GUCY1A2: variants seen among roughly 807,000 people sequenced by gnomAD.
The protein encoded by GUCY1A2 is guanylate cyclase soluble subunit alpha-2.
Under a neutral mutation model 63.5 loss-of-function variants are expected in GUCY1A2, and 27 were observed. The ratio of observed to expected loss-of-function variants is 0.43; its 90% CI spans 0.31 to 0.59. The LOEUF (loss-of-function observed/expected upper bound fraction) is 0.59. Ranked by LOEUF, GUCY1A2 falls within the 20% of genes least tolerant of loss-of-function variation. GUCY1A2 has a pLI of 0.11. For missense variants in GUCY1A2, 768 were observed against 913.3 expected, an observed-to-expected ratio of 0.84 and a Z score of 2.05; for synonymous variants, 364 against 343.5, an observed-to-expected ratio of 1.06 and a Z score of -0.66.
chr11:106,971,219 A>ATGTGTGTGTGTGTGTGTGTGTG (rs67190015), intron 3 of GUCY1A2, among the ~76,000 whole-genome samples: 15 of 149,162 alleles, frequency 1.0e-4, no homozygotes, highest in African/African-American at 3.7e-4. Flanking sequence ...ACAAATTTAA[A>ATGTGTGTGTGTGTGTGTGTGTG]TGTGTGTGTG....
chr11:106,811,597 T>C (rs912968521), intron 4 of GUCY1A2, among the ~76,000 whole-genome samples: 1 of 152,070 alleles, frequency 6.6e-6, no homozygotes, highest in Non-Finnish European at 1.5e-5. Context: ...AATAAACTAT[T>C]GGGATCTGGA....
intron 4 of GUCY1A2, among the ~76,000 whole-genome samples, chr11:106,913,669 A>G (rs917501385): frequency 2.0e-5 from 3 of 152,142 alleles, no homozygotes; most frequent in Non-Finnish European, 4.4e-5. Flanking sequence ...CAGCTCTTCA[A>G]AATACAAATC....
chr11:106,822,620 G>A (rs1024852266), intron 4 of GUCY1A2, among the ~76,000 whole-genome samples: 7 of 152,094 alleles, frequency 4.6e-5, no homozygotes, highest in Admixed American at 1.3e-4. Context: ...TACGGTATTT[G>A]GTTTTCTGTT....
Position 106,675,438 on chromosome 11 carries a change from T to A in GUCY1A2, c.*12111A>T. ...TTCATTTCCGCATAGTCGGAATAAT[T>A]TTTGCTCCAAATTCTTAAAGGAGAC... On this transcript the variant is annotated 3_prime_UTR_variant, in exon 8 of 8. Transcript: ENST00000526355. 1 of 201,658 alleles carries A rather than the reference T, an allele frequency of 5.0e-6. No homozygotes were observed. The highest frequency in any genetic ancestry group is 7.6e-5 in the East Asian group (1 of 13,152). The allele number at this position is 201,658 out of a possible 1,614,324, so 12.5% of individuals were successfully genotyped here.
At position 106,794,049 on chromosome 11, in the gene GUCY1A2, T is replaced by C. The variant is rs530729804; in HGVS notation, c.1692+15944A>G. ...TTTTGAAGAGATATCTGCACTTCCATGTTCATTGCAGCATTATTCAAAATA... is the reference window on the plus strand; with the variant it reads ...TTTTGAAGAGATATCTGCACTTCCACGTTCATTGCAGCATTATTCAAAATA... On this transcript the variant is annotated intron_variant, in intron 5 of 7. Transcript: ENST00000526355. Among the ~76,000 whole-genome samples, 41 of 152,148 alleles carry C rather than the reference T, an allele frequency of 2.7e-4. 3 individuals are homozygous for C.
Position 106,685,308 on chromosome 11 carries a change from C to T in GUCY1A2, c.*2241G>A, listed in dbSNP as rs190969560. On this transcript the variant is annotated 3_prime_UTR_variant, in exon 8 of 8. Coordinates refer to ENST00000526355, the MANE Select transcript of GUCY1A2 (RefSeq NM_000855.3). ...ATTGAGATATATAAATACAATACTT[C>T]TCTCCAGGCCTATCACTAGTATTGA... is the stretch of plus-strand genomic sequence containing the variant. 50 of 207,374 alleles carry T rather than the reference C, an allele frequency of 2.4e-4. 2 individuals carry two copies. Among genetic ancestry groups the T allele is most frequent in the Non-Finnish European group, 7.9e-5 (8 of 101,798 alleles). The allele number at this position is 207,374 out of a possible 1,614,324, so 12.8% of individuals were successfully genotyped here.
At chr11:106,998,181 C>A (rs1861565891) in intron 1 of GUCY1A2, among the ~76,000 whole-genome samples, 1 of 152,096 alleles carries the variant, frequency 6.6e-6, no homozygotes, top group African/African-American at 2.4e-5. Context: ...CAAAAGACAT[C>A]AAAACTTGCT....
chr11:106,745,345 A>T (rs1412935622), intron 6 of GUCY1A2, among the ~76,000 whole-genome samples: 1 of 152,240 alleles, frequency 6.6e-6, no homozygotes, highest in Admixed American at 6.5e-5. Context: ...AAAATAAATG[A>T]GAAGTACTTT....
chr11:106,818,867 A>G (rs907902790), intron 4 of GUCY1A2, among the ~76,000 whole-genome samples: 26 of 152,296 alleles, frequency 1.7e-4, no homozygotes, highest in Admixed American at 4.6e-4. Flanking sequence ...GCCAAAGCCT[A>G]ATCCAGAGAA....
chr11:106,948,119 T>C (rs1027294231), intron 3 of GUCY1A2, among the ~76,000 whole-genome samples: 5 of 152,152 alleles, frequency 3.3e-5, no homozygotes, highest in Non-Finnish European at 7.4e-5. Context: ...AAGAAGAACC[T>C]GAGTTCTGGC....
intron 4 of GUCY1A2, among the ~76,000 whole-genome samples, chr11:106,855,902 T>TTTA (rs1555040948): frequency 3.3e-4 from 20 of 60,500 alleles, no homozygotes; most frequent in African/African-American, 1.3e-3. Context: ...ATTTTATTTA[T>TTTA]TTATTTATTT....
At chr11:106,906,470 G>C in intron 4 of GUCY1A2, among the ~76,000 whole-genome samples, 1 of 152,128 alleles carries the variant, frequency 6.6e-6, no homozygotes, top group Non-Finnish European at 1.5e-5. Context: ...GGAGAAATAG[G>C]AACACTTTTA....
At chr11:106,979,893 G>A (rs918682846) in intron 2 of GUCY1A2, among the ~76,000 whole-genome samples, 3 of 149,996 alleles carry the variant, frequency 2.0e-5, no homozygotes, top group African/African-American at 7.3e-5. Flanking sequence ...AGAAGAGTGA[G>A]GAGTTGGCCT....
At chr11:106,968,691 C>A (rs116371340) in intron 3 of GUCY1A2, among the ~76,000 whole-genome samples, 3,049 of 20,724 alleles carry the variant, frequency 0.15, 112 homozygotes, top group African/African-American at 0.34. Context: ...TTCTAACTGC[C>A]CTTTTCTACC....
chr11:106,833,131 T>G (rs1859072764), intron 4 of GUCY1A2, among the ~76,000 whole-genome samples: 1 of 152,108 alleles, frequency 6.6e-6, no homozygotes, highest in African/African-American at 2.4e-5. Flanking sequence ...TGTTTGTGTC[T>G]GTGTCCAAAT....
chr11:107,017,740 G>A lies in GUCY1A2; in HGVS notation c.303+13C>T. Reference sequence around the variant, plus strand: ...TCCCCCGAAGGCGGTCCCCCCTTCCGCCCCCCGCTCACCGAGGGCGCCGTC... The same window carrying A: ...TCCCCCGAAGGCGGTCCCCCCTTCCACCCCCCGCTCACCGAGGGCGCCGTC... On this transcript the variant is annotated intron_variant, in intron 1 of 7. Transcript: ENST00000526355. The A allele has an allele frequency of 2.2e-6, 3 of 1,371,624 alleles. No homozygotes were observed. The highest frequency in any genetic ancestry group is 2.8e-4 in the Middle Eastern group (1 of 3,604). The allele number at this position is 1,371,624 out of a possible 1,614,324, so 85.0% of individuals were successfully genotyped here.
At chr11:106,957,473 G>C (rs1457495303) in intron 3 of GUCY1A2, among the ~76,000 whole-genome samples, 1 of 152,222 alleles carries the variant, frequency 6.6e-6, no homozygotes, top group East Asian at 1.9e-4. Context: ...GCAGGGTTCT[G>C]TGGAAAAAGC....
At chr11:106,724,775 G>A (rs143426144) in intron 6 of GUCY1A2, among the ~76,000 whole-genome samples, 58 of 152,210 alleles carry the variant, frequency 3.8e-4, no homozygotes, top group East Asian at 3.3e-3. Context: ...ATACAGATGT[G>A]AGCATCACTA....
chr11:106,932,286 T>G (rs1177594540), intron 4 of GUCY1A2, among the ~76,000 whole-genome samples: 2 of 152,126 alleles, frequency 1.3e-5, no homozygotes, highest in African/African-American at 4.8e-5. Flanking sequence ...AGATGACTAT[T>G]GGGAATACAT....
Sources: gnomAD v4.1 joint callset for allele counts (sites outside exome capture counted in the v4.1 genomes callset) on GRCh38, gnomAD v4.1.1 for gene constraint, MANE v1.5 for transcripts, NCBI Gene and HGNC (gene_info 2026-07-23, HGNC 2026-07-21) for gene names.